Variants in AKAP6 observed in about 807,000 individuals in gnomAD.
AKAP6 encodes A-kinase anchoring protein 6, also known as A-kinase anchor protein 6.
A neutral mutation model predicts 188.5 loss-of-function variants in AKAP6; 58 were observed. The observed-to-expected ratio is 0.31, with a 90% confidence interval of 0.25 to 0.38. AKAP6 has a LOEUF of 0.38. Ranked by LOEUF, AKAP6 falls within the 10% of genes least tolerant of loss-of-function variation. The pLI is 1.00. For missense variants in AKAP6, 2,710 were observed against 2,740.0 expected (o/e 0.99, Z 0.24); for synonymous variants, 989 against 998.6 (o/e 0.99, Z 0.18).
intron 1 of AKAP6, among the ~76,000 whole-genome samples, chr14:32,376,691 G>A (rs973534477): frequency 1.2e-4 from 19 of 152,206 alleles, no homozygotes; most frequent in Middle Eastern, 6.8e-3. Context: ...AAGGGTATAT[G>A]TTTGCAGTTT....
chr14:32,527,615 A>T (rs1376894028), intron 2 of AKAP6, among the ~76,000 whole-genome samples: 1 of 152,158 alleles, frequency 6.6e-6, no homozygotes, highest in Non-Finnish European at 1.5e-5. Context: ...CAATATTCTG[A>T]ATTTTGGCCA....
At chr14:32,439,809 T>C (rs140475503) in intron 2 of AKAP6, among the ~76,000 whole-genome samples, 186 of 152,282 alleles carry the variant, frequency 1.2e-3, no homozygotes, top group Non-Finnish European at 2.3e-3. Flanking sequence ...TGGATTCTGA[T>C]CTTAATGTTA....
At chr14:32,404,103 A>AT (rs934227424) in intron 1 of AKAP6, among the ~76,000 whole-genome samples, 28 of 152,074 alleles carry the variant, frequency 1.8e-4, no homozygotes, top group East Asian at 9.7e-4. Context: ...CCCATGAAAT[A>AT]TTTTTTTTGA....
chr14:32,744,925 C>T lies in AKAP6; in HGVS notation c.3372+9043C>T, dbSNP rs542385061. ...GATGCATTCTTCAGTATGCCAACTG[C>T]ATTTTTTCAGATCCAGAATTTCTGC... is the stretch of plus-strand genomic sequence containing the variant. On this transcript the variant is annotated intron_variant, in intron 11 of 13. Coordinates refer to ENST00000280979, the MANE Select transcript of AKAP6 (RefSeq NM_004274.5). Among the ~76,000 whole-genome samples, 11 of 152,170 alleles carry T rather than the reference C, an allele frequency of 7.2e-5. No homozygotes were observed. The East Asian group carries it at 1.7e-3, about 24-fold the overall frequency.
intron 4 of AKAP6, among the ~76,000 whole-genome samples, chr14:32,547,582 C>CTT (rs1883257273): frequency 6.6e-6 from 1 of 152,146 alleles, no homozygotes; most frequent in South Asian, 2.1e-4. Context: ...GACATTTTGG[C>CTT]TAAATCTGTA....
At chr14:32,378,164 A>G (rs746339297) in intron 1 of AKAP6, among the ~76,000 whole-genome samples, 4 of 144,546 alleles carry the variant, frequency 2.8e-5, no homozygotes, top group Admixed American at 7.2e-5. Context: ...GGTATGACAA[A>G]ACCTAATTGT....
intron 12 of AKAP6, among the ~76,000 whole-genome samples, chr14:32,782,201 G>GGGAA (rs1433993974): frequency 4.2e-4 from 63 of 149,586 alleles, no homozygotes; most frequent in Non-Finnish European, 7.4e-4. Context: ...GAGGGAGGGA[G>GGGAA]GGAGGGAGGA....
At chr14:32,335,489 G>A (rs1886661289) in intron 1 of AKAP6, among the ~76,000 whole-genome samples, 2 of 152,096 alleles carry the variant, frequency 1.3e-5, no homozygotes, top group Non-Finnish European at 2.9e-5. Flanking sequence ...AAAACTAAGG[G>A]ACCATTGTCA....
rs375076849 is a variant in AKAP6 at position 32,335,842 on chromosome 14, C to CTTTTTTTTTTTTTT, written c.-35+6444_-35+6457dup. ...TTTTTTTTAATACTATCCTTTTCTCCTTTTTTTTTTTTTTTTTTTTTTTAA... is the reference window on the plus strand; with the variant it reads ...TTTTTTTTAATACTATCCTTTTCTCCTTTTTTTTTTTTTTTTTTTTTTTTTTTTTTTTTTTTTAA... On this transcript the variant is annotated intron_variant, in intron 1 of 13. Transcript: ENST00000280979. 1.8e-4 allele frequency among the ~76,000 whole-genome samples: 17 copies of CTTTTTTTTTTTTTT among 94,004 alleles called. 1 individual carries two copies. The highest frequency in any genetic ancestry group is 2.9e-4 in the East Asian group (1 of 3,484). The allele number at this position is 94,004 out of a possible 152,430, so 61.7% of individuals were successfully genotyped here.
intron 11 of AKAP6, among the ~76,000 whole-genome samples, chr14:32,760,829 A>T (rs1185173795): frequency 1.3e-5 from 2 of 152,190 alleles, no homozygotes; most frequent in Non-Finnish European, 2.9e-5. Context: ...CTTGAAGCTA[A>T]ATAATCATTA....
At chr14:32,364,651 C>T (rs889087225) in intron 1 of AKAP6, among the ~76,000 whole-genome samples, 1 of 152,124 alleles carries the variant, frequency 6.6e-6, no homozygotes, top group African/African-American at 2.4e-5. Flanking sequence ...TCGGCGCTGT[C>T]CCCTGCCCCG....
Position 32,831,514 on chromosome 14 carries a change from A to G in AKAP6, c.*1709A>G, listed in dbSNP as rs1018474804. ...GGTTCATGCAGTCACAGGAATGACA[A>G]TCATTCAACAGATAGTTCAGAAACA... is the stretch of plus-strand genomic sequence containing the variant. On this transcript the variant is annotated 3_prime_UTR_variant, in exon 14 of 14. Coordinates refer to ENST00000280979, the MANE Select transcript of AKAP6 (RefSeq NM_004274.5). 6.6e-6 allele frequency: 1 copy of G among 152,370 alleles called. No homozygotes were observed. Among genetic ancestry groups the G allele is most frequent in the East Asian group, 1.9e-4 (1 of 5,188 alleles). 9.4% of individuals were successfully genotyped at this position (152,370 alleles called of 1,614,324 possible).
chr14:32,543,571 A>G (rs1883059506), intron 3 of AKAP6, among the ~76,000 whole-genome samples: 1 of 152,110 alleles, frequency 6.6e-6, no homozygotes, highest in African/African-American at 2.4e-5. Context: ...TATTAGTGGG[A>G]TTGGTAGTTC....
chr14:32,603,255 A>G (rs921198465), intron 7 of AKAP6, among the ~76,000 whole-genome samples: 2 of 151,886 alleles, frequency 1.3e-5, no homozygotes, highest in Non-Finnish European at 2.9e-5. Context: ...GTGGTATGGG[A>G]CATGAGTGGG....
intron 9 of AKAP6, among the ~76,000 whole-genome samples, chr14:32,724,233 TTATC>T (rs1332723186): frequency 6.6e-6 from 1 of 152,190 alleles, no homozygotes; most frequent in African/African-American, 2.4e-5. Context: ...CATATTTTCT[TTATC>T]TATGTCATTA....
Position 32,527,917 on chromosome 14 carries a change from T to C in AKAP6, c.325-7637T>C, listed in dbSNP as rs574873543. ...GTGGCTTGTCTTTTCATTCTTTTAATGATGTCTTTCACAGAACATAAATAT... is the reference window on the plus strand; with the variant it reads ...GTGGCTTGTCTTTTCATTCTTTTAACGATGTCTTTCACAGAACATAAATAT... On this transcript the variant is annotated intron_variant, in intron 2 of 13. Coordinates refer to ENST00000280979, the MANE Select transcript of AKAP6 (RefSeq NM_004274.5). Among the ~76,000 whole-genome samples the C allele has an allele frequency of 5.3e-5, 8 of 152,338 alleles. No homozygotes were observed. The South Asian group carries it at 1.4e-3, about 28-fold the overall frequency.
At chr14:32,333,160 C>T (rs1397248828) in intron 1 of AKAP6, among the ~76,000 whole-genome samples, 2 of 152,082 alleles carry the variant, frequency 1.3e-5, no homozygotes, top group Admixed American at 6.6e-5. Context: ...GCATGAGGTA[C>T]AGGAATGAGA....
intron 4 of AKAP6, among the ~76,000 whole-genome samples, chr14:32,560,872 T>A (rs1883928682): frequency 6.6e-6 from 1 of 152,202 alleles, no homozygotes; most frequent in Admixed American, 6.5e-5. Flanking sequence ...AACTTTGTTA[T>A]TTCTTGTCCC....
chr14:32,594,637 G>T (rs1456215869), intron 5 of AKAP6, among the ~76,000 whole-genome samples: 1 of 152,190 alleles, frequency 6.6e-6, no homozygotes, highest in African/African-American at 2.4e-5. Flanking sequence ...CTCTGAGAAT[G>T]GAGAGTGGTT....
Sources: gnomAD v4.1 joint callset for allele counts (sites outside exome capture counted in the v4.1 genomes callset) on GRCh38, gnomAD v4.1.1 for gene constraint, MANE v1.5 for transcripts, NCBI Gene and HGNC (gene_info 2026-07-23, HGNC 2026-07-21) for gene names.